Variants in SOX5 observed in about 807,000 individuals in gnomAD.
SOX5 encodes the protein SRY-box transcription factor 5.
A neutral mutation model predicts 92.0 loss-of-function variants in SOX5; 9 were observed. That is an observed-to-expected ratio of 0.10 (90% CI 0.06 to 0.17). SOX5 has a LOEUF of 0.17. SOX5 is among the 10% of genes least tolerant of loss of function. The pLI, the probability that SOX5 is intolerant of heterozygous loss-of-function variation, is 1.00. For synonymous variants in SOX5, 344 were observed against 336.3 expected (o/e 1.02, Z -0.25); for missense variants, 642 against 944.5 (o/e 0.68, Z 4.20).
intron 2 of SOX5, among the ~76,000 whole-genome samples, chr12:23,859,817 G>A (rs1031174943): frequency 6.6e-6 from 1 of 152,014 alleles, no homozygotes; most frequent in African/African-American, 2.4e-5. Context: ...CGACACTTAG[G>A]GAAAATAGAA....
intron 3 of SOX5, among the ~76,000 whole-genome samples, chr12:23,844,620 A>T (rs976294013): frequency 6.6e-6 from 1 of 152,130 alleles, no homozygotes; most frequent in African/African-American, 2.4e-5. Context: ...GGAAGAAAAA[A>T]GTTTTTTAAG....
At chr12:23,888,545 T>A (rs1404147771) in intron 2 of SOX5, among the ~76,000 whole-genome samples, 1 of 152,216 alleles carries the variant, frequency 6.6e-6, no homozygotes, top group Non-Finnish European at 1.5e-5. Context: ...AACATTTGAC[T>A]CCTTCTCCCA....
rs118080892 is a variant in SOX5 at position 24,188,334 on chromosome 12, G to A, written c.-2+25009C>T. Among the ~76,000 whole-genome samples the A allele has an allele frequency of 8.4e-3, 1,278 of 152,212 alleles. 7 individuals carry two copies. Among genetic ancestry groups the A allele is most frequent in the Non-Finnish European group, 0.013 (898 of 68,000 alleles). ...TCTGAAATATTTATACCCTAGTATT[G>A]TTGTTTATCCAATCTATTTTTATTC... On this transcript the variant is annotated intron_variant, in intron 4 of 4. Coordinates refer to the SOX5 transcript ENST00000446891.
chr12:24,016,124 T>G (rs1953569197), intron 4 of SOX5, among the ~76,000 whole-genome samples: 1 of 152,154 alleles, frequency 6.6e-6, no homozygotes, highest in Non-Finnish European at 1.5e-5. Context: ...TAACATGCGG[T>G]GGGCAAGATT....
chr12:24,337,459 G>T (rs1234526027), intron 2 of SOX5, among the ~76,000 whole-genome samples: 1 of 151,752 alleles, frequency 6.6e-6, no homozygotes, highest in African/African-American at 2.4e-5. Flanking sequence ...TCCCACCTCA[G>T]CTTCCCAAGT....
At chr12:24,156,955 T>C (rs976549228) in intron 4 of SOX5, among the ~76,000 whole-genome samples, 1 of 152,130 alleles carries the variant, frequency 6.6e-6, no homozygotes, top group African/African-American at 2.4e-5. Context: ...GTGTTCCAAG[T>C]TATAGGACAT....
intron 3 of SOX5, among the ~76,000 whole-genome samples, chr12:23,828,172 A>G (rs2096262394): frequency 6.6e-6 from 1 of 152,204 alleles, no homozygotes; most frequent in South Asian, 2.1e-4. Context: ...CAGTTCAGTA[A>G]CATACTGTAC....
intron 9 of SOX5, chr12:23,584,616 G>A: frequency 6.2e-7 from 1 of 1,600,976 alleles, no homozygotes; most frequent in Non-Finnish European, 8.5e-7. Flanking sequence ...ACTGTTTAAT[G>A]AGTAATGACA....
intron 4 of SOX5, among the ~76,000 whole-genome samples, chr12:23,964,110 T>C (rs1947279103): frequency 6.6e-6 from 1 of 152,108 alleles, no homozygotes; most frequent in Admixed American, 6.5e-5. Context: ...CTTCATAGTA[T>C]AGTTTGATAG....
At chr12:24,234,798 G>T (rs956426612) in intron 3 of SOX5, among the ~76,000 whole-genome samples, 2 of 152,144 alleles carry the variant, frequency 1.3e-5, no homozygotes, top group African/African-American at 4.8e-5. Flanking sequence ...CTCATTAGGG[G>T]TCGATTTTGC....
chr12:23,982,594 C>A (rs1488985059), intron 4 of SOX5, among the ~76,000 whole-genome samples: 1 of 152,000 alleles, frequency 6.6e-6, no homozygotes, highest in African/African-American at 2.4e-5. Context: ...GTAGTGGTCA[C>A]TGACACTGGA....
At chr12:23,615,746 T>A (rs1441736497) in intron 8 of SOX5, among the ~76,000 whole-genome samples, 1 of 152,222 alleles carries the variant, frequency 6.6e-6, no homozygotes, top group African/African-American at 2.4e-5. Flanking sequence ...CAATTTATAT[T>A]TCTTTAGGTA....
At chr12:24,353,602 TG>T (rs528721319) in intron 2 of SOX5, among the ~76,000 whole-genome samples, 3 of 151,288 alleles carry the variant, frequency 2.0e-5, no homozygotes, top group African/African-American at 7.3e-5. Context: ...GTGTTGGGGG[TG>T]GGGGTCTTCC....
chr12:23,822,016 CT>C (rs1377943500), intron 3 of SOX5, among the ~76,000 whole-genome samples: 1 of 151,936 alleles, frequency 6.6e-6, no homozygotes, highest in Admixed American at 6.6e-5. Context: ...ATTCTTCTCT[CT>C]TTTCTTATTA....
In SOX5 at chr12:23,949,633, C is replaced by A. The variant is rs1226817284; in HGVS notation, c.-32G>T. On this transcript the variant is annotated 5_prime_UTR_variant, in exon 1 of 15. Coordinates refer to ENST00000451604, the MANE Select transcript of SOX5 (RefSeq NM_006940.6). The stretch of plus-strand genomic sequence containing the variant: ...AAAGCACAATTTCCCTTTGTCACAG[C>A]AGCCACCTATGATCGTCTCCAACTG... 9 of 1,613,648 alleles carry A rather than the reference C, an allele frequency of 5.6e-6. No homozygotes were observed. The highest frequency in any genetic ancestry group is 7.6e-6 in the Non-Finnish European group (9 of 1,179,778).
At chr12:23,841,702 T>C (rs555988664) in intron 3 of SOX5, among the ~76,000 whole-genome samples, 18 of 152,188 alleles carry the variant, frequency 1.2e-4, no homozygotes, top group Middle Eastern at 3.4e-3. Flanking sequence ...AAAAGCCCCA[T>C]GCTGTATTAT....
chr12:23,868,733 T>C (rs983275041), intron 2 of SOX5, among the ~76,000 whole-genome samples: 1 of 152,120 alleles, frequency 6.6e-6, no homozygotes, highest in African/African-American at 2.4e-5. Flanking sequence ...TGAACCATGG[T>C]TCAATTTTGC....
intron 4 of SOX5, among the ~76,000 whole-genome samples, chr12:23,975,699 A>AT (rs1948818711): frequency 1.3e-5 from 2 of 152,198 alleles, no homozygotes; most frequent in Non-Finnish European, 2.9e-5. Context: ...GTTGATAATA[A>AT]TTATATCTGC....
At chr12:23,928,652 A>G (rs1940650904) in intron 1 of SOX5, among the ~76,000 whole-genome samples, 1 of 151,954 alleles carries the variant, frequency 6.6e-6, no homozygotes, top group African/African-American at 2.4e-5. Flanking sequence ...CATATACAAA[A>G]TAGACCAGCC....
Sources: gnomAD v4.1 joint callset for allele counts (sites outside exome capture counted in the v4.1 genomes callset) on GRCh38, gnomAD v4.1.1 for gene constraint, MANE v1.5 for transcripts, NCBI Gene and HGNC (gene_info 2026-07-23, HGNC 2026-07-21) for gene names.